The following RACGAP1 variants were observed in gnomAD, a reference collection of about 807,000 sequenced individuals.
RACGAP1 encodes Rac GTPase activating protein 1.
In RACGAP1, 30 loss-of-function variants were observed where a neutral mutation model predicts 78.1. The ratio of observed to expected loss-of-function variants is 0.38; its 90% CI spans 0.29 to 0.52. RACGAP1 has a LOEUF of 0.52. Ranked by LOEUF, RACGAP1 falls within the 20% of genes least tolerant of loss-of-function variation. The pLI is 0.82. For synonymous variants in RACGAP1, 231 were observed against 264.8 expected (o/e 0.87, Z 1.24); for missense variants, 587 against 777.1 (o/e 0.76, Z 2.91).
upstream of RACGAP1, among the ~76,000 whole-genome samples, chr12:50,027,663 T>C (rs902807029): frequency 5.9e-5 from 9 of 152,162 alleles, no homozygotes; most frequent in Non-Finnish European, 1.0e-4. Context: ...GCATCTCTAC[T>C]AAAAATACAA....
intron 5 of RACGAP1, 112 bp from the exon 6 acceptor site, chr12:50,002,412 G>T: frequency 1.2e-6 from 1 of 803,970 alleles, no homozygotes; most frequent in Non-Finnish European, 2.0e-6. Flanking sequence ...GCTACCTAAC[G>T]TACAATTCGG....
intron 9 of RACGAP1, among the ~76,000 whole-genome samples, chr12:49,997,826 C>T (rs950865991): frequency 2.6e-5 from 4 of 152,008 alleles, no homozygotes; most frequent in African/African-American, 4.8e-5. Context: ...GATCTGCCTG[C>T]GTCAGTCTCC....
At chr12:49,999,913 G>A (rs1410119850) in intron 7 of RACGAP1, among the ~76,000 whole-genome samples, 180 bp from the exon 8 acceptor site, 9 of 151,964 alleles carry the variant, frequency 5.9e-5, no homozygotes, top group African/African-American at 1.2e-4. Flanking sequence ...GAACAGTGGC[G>A]TGATCTCGGC....
chr12:50,025,531 G>T, upstream of RACGAP1: 3 of 985,480 alleles, frequency 3.0e-6, no homozygotes, highest in Non-Finnish European at 3.6e-6. Context: ...TATTCCTCCC[G>T]CGCCGTCCCT....
At chr12:49,999,774 C>A in intron 7 of RACGAP1, 41 bp from the exon 8 acceptor site, 1 of 1,463,768 alleles carries the variant, frequency 6.8e-7, no homozygotes, top group South Asian at 1.1e-5. Context: ...AACAAAGAAT[C>A]TAACTTACCC....
intron 7 of RACGAP1, 151 bp from the exon 8 acceptor site, chr12:49,999,884 C>G: frequency 1.6e-6 from 1 of 626,470 alleles, no homozygotes; most frequent in East Asian, 2.9e-5. Context: ...GAGTTTTTCA[C>G]TCTACCGCCC....
chr12:50,006,305 A>G (rs2137446465), intron 3 of RACGAP1, 129 bp downstream of exon 3: 1 of 975,132 alleles, frequency 1.0e-6, no homozygotes, highest in African/African-American at 1.6e-5. Context: ...GCAAGCTGTT[A>G]AAGAACAGGT....
intron 2 of RACGAP1, among the ~76,000 whole-genome samples, chr12:50,016,330 C>T (rs941565434): frequency 1.3e-5 from 2 of 151,716 alleles, no homozygotes; most frequent in African/African-American, 2.4e-5. Context: ...TGCAGTGAGC[C>T]GAGATGTCGC....
Position 50,019,552 on chromosome 12 carries a change from G to A in RACGAP1, c.-4-2833C>T, listed in dbSNP as rs906028219. ...TAAAGCAAAAAGAACAGTTAAAAGC[G>A]GGAGAGGGAGCAGAAGTCCTGGGAC... On this transcript the variant is annotated intron_variant, in intron 1 of 16. Transcript: ENST00000312377. 5.3e-5 allele frequency among the ~76,000 whole-genome samples: 8 copies of A among 152,140 alleles called. No individual in the cohort carries two copies. The South Asian group carries it at 1.0e-3, about 20-fold the overall frequency.
intron 1 of RACGAP1, among the ~76,000 whole-genome samples, chr12:50,017,410 G>A (rs992296200): frequency 7.9e-5 from 12 of 152,196 alleles, no homozygotes; most frequent in Admixed American, 2.6e-4. Context: ...TTCACAGTTC[G>A]AAGGGCAAAG....
At chr12:50,000,045 G>A (rs143859132) in intron 7 of RACGAP1, among the ~76,000 whole-genome samples, 979 of 41,362 alleles carry the variant, frequency 0.024, 15 homozygotes, top group African/African-American at 0.051. Flanking sequence ...ACGGAGTCTC[G>A]CTGTGTCGCC....
At chr12:50,026,399 G>A (rs1027799430), upstream of RACGAP1, among the ~76,000 whole-genome samples, 9 of 151,880 alleles carry the variant, frequency 5.9e-5, no homozygotes, top group East Asian at 1.7e-3. Context: ...AGGGAGATTA[G>A]GGAGATGTTG....
At chr12:50,014,898 C>T (rs1592208689) in intron 2 of RACGAP1, among the ~76,000 whole-genome samples, 1 of 151,768 alleles carries the variant, frequency 6.6e-6, no homozygotes, top group Non-Finnish European at 1.5e-5. Context: ...CAAAAATTAG[C>T]CGAGTGTGGT....
intron 9 of RACGAP1, 63 bp from the exon 10 acceptor site, chr12:49,997,267 A>C: frequency 7.3e-7 from 1 of 1,369,804 alleles, no homozygotes; most frequent in Non-Finnish European, 9.5e-7. Context: ...ATCATAATCA[A>C]CTAACTTTTT....
intron 10 of RACGAP1, among the ~76,000 whole-genome samples, chr12:49,996,628 T>C (rs1388397996): frequency 5.8e-4 from 11 of 18,994 alleles, no homozygotes; most frequent in African/African-American, 2.5e-3. Flanking sequence ...GCAATAGAGC[T>C]AAAAAAAAAA....
chr12:50,005,106 C>G, intron 4 of RACGAP1, 150 bp downstream of exon 4: 19 of 1,051,106 alleles, frequency 1.8e-5, no homozygotes, highest in Non-Finnish European at 2.6e-5. Context: ...ATCCCTGTGC[C>G]TTTATTCCCC....
chr12:50,002,963 G>A (rs1352411224), intron 5 of RACGAP1, among the ~76,000 whole-genome samples: 1 of 150,836 alleles, frequency 6.6e-6, no homozygotes, highest in Non-Finnish European at 1.5e-5. Flanking sequence ...GGCGGAGCTT[G>A]CAGTGAGCTG....
chr12:50,017,268 C>A (rs1949731802), intron 1 of RACGAP1, among the ~76,000 whole-genome samples: 1 of 152,210 alleles, frequency 6.6e-6, no homozygotes, highest in Non-Finnish European at 1.5e-5. Flanking sequence ...CTCAGCAGCA[C>A]AAGAATTATT....
intron 1 of RACGAP1, among the ~76,000 whole-genome samples, chr12:50,018,838 ATTTT>A (rs34713846): frequency 7.0e-6 from 1 of 143,354 alleles, no homozygotes; most frequent in Non-Finnish European, 1.5e-5. Context: ...TCTCTTGTCC[ATTTT>A]TTTTTTTTTA....
Sources: allele counts gnomAD v4.1 joint callset (sites outside exome capture counted in the v4.1 genomes callset), GRCh38; gene constraint gnomAD v4.1.1; transcripts MANE v1.5; gene names NCBI Gene and HGNC (gene_info 2026-07-23, HGNC 2026-07-21).